Variants in INPP5A observed in about 807,000 individuals in gnomAD.
INPP5A encodes the protein 43 kDa inositol polyphosphate 5-phophatase.
INPP5A carries 14 observed loss-of-function variants against 65.2 expected under a neutral mutation model. The ratio of observed to expected loss-of-function variants is 0.21; its 90% CI spans 0.14 to 0.34. The LOEUF is 0.34. Among genes scored for constraint, INPP5A ranks in the 10% least tolerant of loss-of-function variants. The pLI, the probability that INPP5A is intolerant of heterozygous loss-of-function variation, is 1.00. For missense variants in INPP5A, 431 were observed against 545.6 expected, an observed-to-expected ratio of 0.79 and a Z score of 2.09; for synonymous variants, 207 against 208.3, an observed-to-expected ratio of 0.99 and a Z score of 0.05.
chr10:132,658,882 C>T (rs1033534358), intron 4 of INPP5A, among the ~76,000 whole-genome samples: 3 of 152,106 alleles, frequency 2.0e-5, no homozygotes, highest in East Asian at 1.9e-4. Flanking sequence ...TCCATGCACC[C>T]GGCAGGAGAG....
At chr10:132,679,937 T>C (rs1273098075) in intron 4 of INPP5A, among the ~76,000 whole-genome samples, 1 of 152,186 alleles carries the variant, frequency 6.6e-6, no homozygotes, top group Admixed American at 6.5e-5. Context: ...AGTTGGCCCC[T>C]CACATTACAT....
intron 9 of INPP5A, among the ~76,000 whole-genome samples, chr10:132,733,054 C>G (rs1846114135): frequency 6.6e-6 from 1 of 152,202 alleles, no homozygotes; most frequent in African/African-American, 2.4e-5. Context: ...GGGGACCCCT[C>G]CTTGCCTCAC....
At position 132,549,227 on chromosome 10, in the gene INPP5A, C is replaced by T. The variant is rs185068060; in HGVS notation, c.75+11056C>T. 1.9e-4 allele frequency among the ~76,000 whole-genome samples: 29 copies of T among 151,776 alleles called. No homozygotes were observed. The highest frequency in any genetic ancestry group is 5.9e-4 in the East Asian group (3 of 5,120). On this transcript the variant is annotated intron_variant, in intron 1 of 15. Transcript: ENST00000368594. This position sits in a 1 kb window ranked among gnomAD's most constrained non-coding sequence, Gnocchi z 4.9. Reference sequence around the variant, plus strand: ...GTGAATATGCACGTGCCTGTGTGGACGAGGGTGTCACTGCTCTAGGGCTGG... The same window carrying T: ...GTGAATATGCACGTGCCTGTGTGGATGAGGGTGTCACTGCTCTAGGGCTGG...
At chr10:132,630,597 C>T (rs575928525) in intron 2 of INPP5A, among the ~76,000 whole-genome samples, 4 of 149,280 alleles carry the variant, frequency 2.7e-5, no homozygotes, top group Admixed American at 1.3e-4. Flanking sequence ...GAGGGGAAGA[C>T]GTCCATGAGG....
chr10:132,712,005 G>A (rs1037892434), intron 8 of INPP5A, among the ~76,000 whole-genome samples: 4 of 152,190 alleles, frequency 2.6e-5, no homozygotes, highest in African/African-American at 7.2e-5. Context: ...TGTGACCAGC[G>A]CCGTCAGATG....
intron 8 of INPP5A, among the ~76,000 whole-genome samples, chr10:132,719,131 T>A: frequency 6.8e-6 from 1 of 147,018 alleles, no homozygotes; most frequent in African/African-American, 2.6e-5. Context: ...TTCAGGGTTC[T>A]GTGGTACCTG....
chr10:132,752,042 C>T (rs76134477), intron 11 of INPP5A, among the ~76,000 whole-genome samples: 2 of 70,390 alleles, frequency 2.8e-5, no homozygotes, highest in Admixed American at 3.0e-4. Context: ...GAAGCGTCTG[C>T]GTGAAGGGGG....
intron 1 of INPP5A, among the ~76,000 whole-genome samples, chr10:132,553,728 GTGAA>G (rs2133257763): frequency 6.9e-6 from 1 of 145,362 alleles, no homozygotes; most frequent in South Asian, 2.3e-4. Context: ...GGGAGGATTG[GTGAA>G]CGCCTTCTCA....
In INPP5A at chr10:132,587,905, A is replaced by C. The variant is rs1015224035; in HGVS notation, c.76-20010A>C. ...TGCACGCCTGTAATCCCAGCTACTT[A>C]GGAGGCTGACACAGGAGAATCACTT... On this transcript the variant is annotated intron_variant, in intron 1 of 15. Transcript: ENST00000368594. The surrounding 1 kb of genome is among the most constrained non-coding windows in gnomAD (Gnocchi z 4.3). 2.0e-5 allele frequency among the ~76,000 whole-genome samples: 3 copies of C among 150,378 alleles called. No homozygotes were observed. The highest frequency in any genetic ancestry group is 7.3e-5 in the African/African-American group (3 of 41,132).
rs531103895 is a variant in INPP5A, at chr10:132,644,211, G to A, written c.118-1657G>A. On this transcript the variant is annotated intron_variant, in intron 2 of 15. Transcript: ENST00000368594. The surrounding 1 kb of genome is among the most constrained non-coding windows in gnomAD (Gnocchi z 6.5). Reference sequence around the variant, plus strand: ...GGGCTGTCTGGCCTCCTGAGTGCCCGGGGAGCCCACGCCCACGCCCAGGAG... The same window carrying A: ...GGGCTGTCTGGCCTCCTGAGTGCCCAGGGAGCCCACGCCCACGCCCAGGAG... Among the ~76,000 whole-genome samples, 7 of 152,338 alleles carry A rather than the reference G, an allele frequency of 4.6e-5. No homozygotes were observed. The East Asian group carries it at 1.2e-3, about 25-fold the overall frequency.
intron 5 of INPP5A, among the ~76,000 whole-genome samples, chr10:132,693,269 C>A (rs1845297099): frequency 6.6e-6 from 1 of 152,046 alleles, no homozygotes; most frequent in Admixed American, 6.6e-5. Flanking sequence ...ATACAAAGAA[C>A]AAAGGCAACA....
At position 132,637,093 on chromosome 10, in the gene INPP5A, T is replaced by C. The variant is rs1468552187; in HGVS notation, c.118-8775T>C. ...CCACCAGGCCCAGCTAATTTTTGCA[T>C]TTTTAGTAGAGACGGGGTTTGACCA... On this transcript the variant is annotated intron_variant, in intron 2 of 15. Coordinates refer to ENST00000368594, the MANE Select transcript of INPP5A (RefSeq NM_005539.5). This position sits in a 1 kb window ranked among gnomAD's most constrained non-coding sequence, Gnocchi z 4.1. Among the ~76,000 whole-genome samples the C allele has an allele frequency of 2.0e-5, 3 of 152,142 alleles. No homozygotes were observed. The highest frequency in any genetic ancestry group is 6.5e-5 in the Admixed American group (1 of 15,276).
intron 8 of INPP5A, among the ~76,000 whole-genome samples, chr10:132,710,859 C>T (rs1306985956): frequency 1.4e-5 from 1 of 70,538 alleles, no homozygotes; most frequent in Non-Finnish European, 2.6e-5. Flanking sequence ...TAGGTGTGGG[C>T]GGGCGGGTAG....
rs919681577 is a variant in INPP5A at position 132,749,495 on chromosome 10, C to T, written c.733-22C>T. 5.0e-6 allele frequency: 8 copies of T among 1,610,506 alleles called. No homozygotes were observed. In the Admixed American group the frequency reaches 1.0e-4, roughly 20 times the overall value. ...GCAGGTGGGCCCCCCTGGGACTTAT[C>T]TCCGTTGCTGTCTTTCTGCAGACGC... On this transcript the variant is annotated intron_variant, in intron 9 of 15. Coordinates refer to ENST00000368594, the MANE Select transcript of INPP5A (RefSeq NM_005539.5).
At chr10:132,617,432 TCA>T (rs906516459) in intron 2 of INPP5A, among the ~76,000 whole-genome samples, 2 of 152,106 alleles carry the variant, frequency 1.3e-5, no homozygotes, top group Non-Finnish European at 2.9e-5. Flanking sequence ...ATGCTCACAC[TCA>T]CACACGCTCA....
chr10:132,656,805 T>A (rs2072662563), intron 4 of INPP5A, among the ~76,000 whole-genome samples: 1 of 152,088 alleles, frequency 6.6e-6, no homozygotes, highest in Non-Finnish European at 1.5e-5. Context: ...CCACAGCTGC[T>A]CAGGTGGCCC....
chr10:132,781,250 A>C (rs975589753), intron 14 of INPP5A, among the ~76,000 whole-genome samples: 1 of 152,254 alleles, frequency 6.6e-6, no homozygotes, highest in Non-Finnish European at 1.5e-5. Flanking sequence ...TTTTGCAAAT[A>C]TGCAGCTTCA....
chr10:132,758,139 G>A (rs1444075670), intron 11 of INPP5A, among the ~76,000 whole-genome samples: 98 of 88,052 alleles, frequency 1.1e-3, no homozygotes, highest in Admixed American at 1.9e-3. Context: ...AGGCCAGTGC[G>A]ATGTTGTGGG....
rs1388025303 is a variant in INPP5A, at chr10:132,783,341, C to G, written c.*1312C>G. The G allele has an allele frequency of 2.6e-5, 4 of 152,396 alleles. No homozygotes were observed. Among genetic ancestry groups the G allele is most frequent in the African/African-American group, 9.7e-5 (4 of 41,442 alleles). 9.4% of individuals were successfully genotyped at this position (152,396 alleles called of 1,614,324 possible). A position where few individuals can be genotyped will look rare whatever the true frequency, so the allele number is the denominator to read the frequency against. On this transcript the variant is annotated 3_prime_UTR_variant, in exon 16 of 16. Transcript: ENST00000368594. ...ATCTGTTCTTGGTGGAAGCACAGGT[C>G]CGTGTCGCTGCTGTGGTTGCCGCTG...
Sources: gnomAD v4.1 joint callset for allele counts (sites outside exome capture counted in the v4.1 genomes callset) on GRCh38, gnomAD v4.1.1 for gene constraint, Gnocchi (gnomAD v3.1) non-coding constraint, MANE v1.5 for transcripts, NCBI Gene and HGNC (gene_info 2026-07-23, HGNC 2026-07-21) for gene names.